The following BACE1 variants were observed in gnomAD, a reference collection of about 807,000 sequenced individuals.
BACE1 encodes beta-secretase 1.
Under a neutral mutation model 54.0 loss-of-function variants are expected in BACE1, and 21 were observed. That is an observed-to-expected ratio of 0.39 (90% CI 0.28 to 0.56). The LOEUF (loss-of-function observed/expected upper bound fraction) is 0.56. BACE1 is among the 20% of genes least tolerant of loss of function. BACE1 has a pLI of 0.63. For missense variants in BACE1, 511 were observed against 661.2 expected (o/e 0.77, Z 2.49); for synonymous variants, 232 against 260.9 (o/e 0.89, Z 1.07).
chr11:117,290,367 G>T, intron 8 of BACE1, 121 bp downstream of exon 8: 1 of 1,237,582 alleles, frequency 8.1e-7, no homozygotes, highest in African/African-American at 1.5e-5. Flanking sequence ...CTGTTGACTT[G>T]GGTTTGAGGC....
In BACE1 at chr11:117,296,891, C is replaced by T. The variant is rs762721077; in HGVS notation, c.332G>A (p.Arg111His). Residue 111 changes from arginine (R) to histidine (H), a missense_variant, in exon 2 of 9, where the codon CGC becomes CAC. Coordinates refer to ENST00000313005, the MANE Select transcript of BACE1 (RefSeq NM_012104.6). ...GACTCACAGCTGCCTCTGGTAGTAG[C>T]GATGCAGGAAGGGGTGGGGGGCAGC... ...VGAAPHPFLH[R>H]YYQRQLSSTY... 10 of 1,613,180 alleles carry T rather than the reference C, an allele frequency of 6.2e-6. No individual in the cohort carries two copies. The highest frequency in any genetic ancestry group is 3.3e-5 in the Admixed American group (2 of 59,880).
chr11:117,311,618 G>A (rs187058192), intron 1 of BACE1, among the ~76,000 whole-genome samples: 2 of 152,098 alleles, frequency 1.3e-5, no homozygotes, highest in South Asian at 4.1e-4. Context: ...CCCTGTGCCT[G>A]TGTCTTTCAG....
At position 117,289,456 on chromosome 11, in the gene BACE1, G is replaced by T. The variant is rs939456229; in HGVS notation, c.*110C>A. The T allele has an allele frequency of 2.7e-6, 4 of 1,475,916 alleles. No homozygotes were observed. In the African/African-American group the frequency reaches 4.2e-5, roughly 16 times the overall value. The allele number at this position is 1,475,916 out of a possible 1,614,324, so 91.4% of individuals were successfully genotyped here. On this transcript the variant is annotated 3_prime_UTR_variant, in exon 9 of 9. Transcript: ENST00000313005. ...GCAGAGGCATTTGGTGGGTGGGGAGGGTCCTGAGGTGCTCTGGCCACAGGT... is the reference window on the plus strand; with the variant it reads ...GCAGAGGCATTTGGTGGGTGGGGAGTGTCCTGAGGTGCTCTGGCCACAGGT...
At position 117,290,628 on chromosome 11, in the gene BACE1, G is replaced by A. The variant is rs1031262289; in HGVS notation, c.1124C>T (p.Thr375Met). The A allele has an allele frequency of 9.9e-6, 16 of 1,614,100 alleles. No homozygotes were observed. The highest frequency in any genetic ancestry group is 1.3e-5 in the African/African-American group (1 of 74,934). The change falls in exon 8 of 9, where the codon ACG (threonine) becomes ATG (methionine). Residue 375 changes from threonine (T) to methionine (M), a missense_variant. By Grantham distance (81) the Thr-to-Met change is moderately conservative (BLOSUM62 -1). Transcript: ENST00000313005. Reference protein sequence around the residue: ...QYLRPVEDVATSQDDCYKFAI... With the variant: ...QYLRPVEDVAMSQDDCYKFAI... ...AAACTTGTAACAGTCGTCTTGGGAC[G>A]TGGCCACATCTTCCACTGGCCGCAG...
At chr11:117,307,232 G>A (rs1174835252) in intron 1 of BACE1, among the ~76,000 whole-genome samples, 1 of 152,200 alleles carries the variant, frequency 6.6e-6, no homozygotes, top group Non-Finnish European at 1.5e-5. Flanking sequence ...CCCTGCCCAG[G>A]CACCTGAAAG....
At chr11:117,292,880 C>T (rs2034484971) in intron 5 of BACE1, 174 bp downstream of exon 5, 5 of 697,678 alleles carry the variant, frequency 7.2e-6, no homozygotes, top group Non-Finnish European at 1.2e-5. Context: ...AGGCCCCAAA[C>T]CGCAGATCCT....
intron 1 of BACE1, chr11:117,297,243 T>A: frequency 2.7e-6 from 1 of 371,634 alleles, no homozygotes; most frequent in Non-Finnish European, 4.8e-6. Flanking sequence ...AGAACTAATA[T>A]GCAAGGGAGT....
In BACE1 at chr11:117,293,517, T is replaced by C; in HGVS notation, c.706-329A>G. 1 of 280,336 alleles carries C rather than the reference T, an allele frequency of 3.6e-6. No homozygotes were observed. The highest frequency in any genetic ancestry group is 6.5e-6 in the Non-Finnish European group (1 of 153,206). The allele number at this position is 280,336 out of a possible 1,614,324, so 17.4% of individuals were successfully genotyped here. ...TATAAGTTTTATTTTCTCTGCTTATTGGAGAACCATTCACCATTGTTCTAA... is the reference window on the plus strand; with the variant it reads ...TATAAGTTTTATTTTCTCTGCTTATCGGAGAACCATTCACCATTGTTCTAA... On this transcript the variant is annotated intron_variant, in intron 4 of 8. Coordinates refer to ENST00000313005, the MANE Select transcript of BACE1 (RefSeq NM_012104.6). The surrounding 1 kb of genome is among the most constrained non-coding windows in gnomAD (Gnocchi z 4.1).
At chr11:117,300,397 C>G (rs1490237672) in intron 1 of BACE1, among the ~76,000 whole-genome samples, 1 of 152,200 alleles carries the variant, frequency 6.6e-6, no homozygotes, top group Admixed American at 6.5e-5. Flanking sequence ...TTCAGCGCTT[C>G]GAATGGGAGC....
intron 1 of BACE1, among the ~76,000 whole-genome samples, chr11:117,306,906 T>C (rs1349755703): frequency 6.6e-6 from 1 of 151,922 alleles, no homozygotes; most frequent in Admixed American, 6.6e-5. Flanking sequence ...GCAGAGAGGG[T>C]GGCCCCAGAG....
chr11:117,297,424 A>AGCC (rs1023705951), intron 1 of BACE1: 2 of 156,302 alleles, frequency 1.3e-5, no homozygotes, highest in Admixed American at 6.5e-5. Context: ...GTTTGAGACC[A>AGCC]GCCTGGCCAA....
chr11:117,315,680 A>T lies in BACE1; in HGVS notation c.116T>A (p.Leu39Gln), dbSNP rs1006804785. ...GGTCTCCCGGGGCAGCCGCAGCCCC[A>T]GGGGGGCGCCCCCCAGGCCGCTGCG... is the stretch of plus-strand genomic sequence containing the variant. ...PLRSGLGGAP[L>Q]GLRLPRETDE... is the part of the protein sequence containing the mutation. The change falls in exon 1 of 9, where the codon CTG becomes CAG. Residue 39 changes from leucine to glutamine, a missense_variant. Leu to Gln is a moderately radical substitution (Grantham distance 113, BLOSUM62 -2). This residue lies in a region of BACE1 where 104 missense variants were observed against 95.5 expected (regional missense o/e 1.09). Transcript: ENST00000313005. This position sits in a 1 kb window ranked among gnomAD's most constrained non-coding sequence, Gnocchi z 5.5. 26 of 1,528,594 alleles carry T rather than the reference A, an allele frequency of 1.7e-5. No individual in the cohort carries two copies. Among genetic ancestry groups the T allele is most frequent in the African/African-American group, 2.9e-5 (2 of 69,612 alleles). 94.7% of individuals were successfully genotyped at this position (1,528,594 alleles called of 1,614,324 possible).
intron 5 of BACE1, 65 bp downstream of exon 5, chr11:117,292,987 CAG>C: frequency 6.4e-7 from 1 of 1,566,456 alleles, no homozygotes; most frequent in Non-Finnish European, 8.7e-7. Flanking sequence ...ACATGATAAC[CAG>C]AGTCTTCCTT....
chr11:117,311,423 C>T (rs765105651), intron 1 of BACE1, among the ~76,000 whole-genome samples: 14 of 152,078 alleles, frequency 9.2e-5, no homozygotes, highest in Non-Finnish European at 1.6e-4. Flanking sequence ...CAGTTCACCC[C>T]AGATCAGAAT....
At position 117,291,020 on chromosome 11, in the gene BACE1, T is replaced by C. The variant is rs1192806543; in HGVS notation, c.972A>G (p.Leu324=). 2 of 1,614,160 alleles carry C rather than the reference T, an allele frequency of 1.2e-6. No individual in the cohort carries two copies. Among genetic ancestry groups the C allele is most frequent in the Non-Finnish European group, 8.5e-7 (1 of 1,180,028 alleles). Reference sequence around the variant, plus strand: ...CTTGCCAGCACACCAGCTGCTCTCCTAGCCAGAAACCATCAGGGAACTTCT... The same window carrying C: ...CTTGCCAGCACACCAGCTGCTCTCCCAGCCAGAAACCATCAGGGAACTTCT... ...STEKFPDGFW[L]GEQLVCWQAG... is the part of the protein sequence containing the mutation. Residue 324 remains leucine (L), a synonymous_variant, in exon 7 of 9, where the codon CTA becomes CTG. Transcript: ENST00000313005.
Position 117,285,842 on chromosome 11 carries a change from A to G in BACE1, c.*3724T>C, listed in dbSNP as rs2034245339. The G allele has an allele frequency of 6.6e-6, 1 of 152,434 alleles. No individual in the cohort carries two copies. The highest frequency in any genetic ancestry group is 2.1e-4 in the South Asian group (1 of 4,830). 9.4% of individuals were successfully genotyped at this position (152,434 alleles called of 1,614,324 possible). On this transcript the variant is annotated 3_prime_UTR_variant, in exon 9 of 9. Coordinates refer to ENST00000313005, the MANE Select transcript of BACE1 (RefSeq NM_012104.6). The stretch of plus-strand genomic sequence containing the variant: ...AGGTCCCAATTCCTCCATGTACCCC[A>G]CAAGCTTCTGTCCACCCTATTTTCT...
At position 117,293,857 on chromosome 11, in the gene BACE1, G is replaced by A; in HGVS notation, c.705+14C>T. The A allele has an allele frequency of 1.2e-6, 2 of 1,606,874 alleles. No homozygotes were observed. The highest frequency in any genetic ancestry group is 1.7e-6 in the Non-Finnish European group (2 of 1,176,934). The stretch of plus-strand genomic sequence containing the variant: ...CTCAATGCCAGGACCTCCCCTCTCT[G>A]AGGACCTACTCACCATGCTCCCTCC... On this transcript the variant is annotated intron_variant, in intron 4 of 8. Transcript: ENST00000313005. The surrounding 1 kb of genome is among the most constrained non-coding windows in gnomAD (Gnocchi z 4.1).
intron 1 of BACE1, among the ~76,000 whole-genome samples, chr11:117,298,960 C>T (rs1036081110): frequency 3.9e-5 from 6 of 152,214 alleles, no homozygotes; most frequent in Admixed American, 1.3e-4. Flanking sequence ...TGTGCGCTAC[C>T]ACGCAGGGCT....
In BACE1 at chr11:117,294,045, G is replaced by A. The variant is rs149515209; in HGVS notation, c.568-37C>T. 3.5e-5 allele frequency: 55 copies of A among 1,592,300 alleles called. No homozygotes were observed. In the Admixed American group the frequency reaches 5.1e-4, roughly 15 times the overall value. ...AGAGACAAGGAGTGAGTCCTCATAC[G>A]GCCCTAAAGGCAGAGGCCAGCTTCC... On this transcript the variant is annotated intron_variant, in intron 3 of 8. Transcript: ENST00000313005.
Sources: gnomAD v4.1 joint callset for allele counts (sites outside exome capture counted in the v4.1 genomes callset) on GRCh38, gnomAD v4.1.1 for gene constraint, gnomAD v4.1.1 regional missense constraint, Gnocchi (gnomAD v3.1) non-coding constraint, MANE v1.5 for transcripts, NCBI Gene and HGNC (gene_info 2026-07-23, HGNC 2026-07-21) for gene names.